Variants in ADK observed in about 807,000 individuals in gnomAD.
The protein encoded by ADK is N6,N6-dimethyladenosine kinase.
ADK carries 24 observed loss-of-function variants against 44.7 expected under a neutral mutation model. The observed-to-expected ratio is 0.54, with a 90% CI of 0.39 to 0.76. The LOEUF (loss-of-function observed/expected upper bound fraction) is 0.76. Ranked by LOEUF, ADK falls within the 30% of genes least tolerant of loss-of-function variation. The probability of loss-of-function intolerance (pLI) is 0.00; values close to 1 mark genes in which losing one functional copy is unlikely to be tolerated. For missense variants in ADK, 321 were observed against 425.1 expected (o/e 0.76, Z 2.15); for synonymous variants, 128 against 142.6 (o/e 0.90, Z 0.73).
intron 1 of ADK, among the ~76,000 whole-genome samples, chr10:74,165,053 G>A (rs941955090): frequency 1.3e-5 from 2 of 152,104 alleles, no homozygotes; most frequent in South Asian, 2.1e-4. Context: ...TAGGAGCAGC[G>A]GAGGGAGGAG....
At position 74,260,050 on chromosome 10, in the gene ADK, C is replaced by T. The variant is rs530191175; in HGVS notation, c.194+35459C>T. 3.3e-5 allele frequency among the ~76,000 whole-genome samples: 5 copies of T among 150,990 alleles called. No individual in the cohort carries two copies. The South Asian group carries it at 1.0e-3, about 31-fold the overall frequency. ...GACTCTGACCCATTATAGCTTTGGC[C>T]ATTTAAAAAAAAAAACCTTCAAAGG... On this transcript the variant is annotated intron_variant, in intron 3 of 10. Transcript: ENST00000539909.
At chr10:74,542,021 G>A (rs1054301707) in intron 7 of ADK, among the ~76,000 whole-genome samples, 3 of 151,122 alleles carry the variant, frequency 2.0e-5, no homozygotes, top group Non-Finnish European at 3.0e-5. Flanking sequence ...AGGACAGATC[G>A]CTTGGGCTTA....
intron 6 of ADK, among the ~76,000 whole-genome samples, chr10:74,465,388 CTT>C (rs1846315541): frequency 6.6e-6 from 1 of 152,110 alleles, no homozygotes; most frequent in African/African-American, 2.4e-5. Context: ...TTAAATAAGA[CTT>C]TATAGGTCAT....
chr10:74,499,035 C>G (rs1292743855), intron 6 of ADK, among the ~76,000 whole-genome samples: 1 of 151,966 alleles, frequency 6.6e-6, no homozygotes, highest in Admixed American at 6.6e-5. Context: ...AACTCTTTAC[C>G]CTGACATGTA....
chr10:74,319,537 C>G (rs1451664078), intron 4 of ADK, among the ~76,000 whole-genome samples: 1 of 152,174 alleles, frequency 6.6e-6, no homozygotes, highest in Admixed American at 6.5e-5. Context: ...GTTAAAGACC[C>G]TATCTTCAAA....
intron 1 of ADK, among the ~76,000 whole-genome samples, chr10:74,159,917 A>G (rs1034701462): frequency 2.2e-4 from 34 of 152,238 alleles, no homozygotes; most frequent in Middle Eastern, 3.4e-3. Context: ...ATATGACTCA[A>G]TCTAGGAGTT....
chr10:74,345,756 T>G (rs1841743901), intron 4 of ADK, among the ~76,000 whole-genome samples: 2 of 152,362 alleles, frequency 1.3e-5, no homozygotes, highest in Admixed American at 1.3e-4. Flanking sequence ...CATTATCTTA[T>G]TTGAGTGGAA....
chr10:74,299,499 CA>C (rs57161550), intron 3 of ADK, among the ~76,000 whole-genome samples: 11 of 124,150 alleles, frequency 8.9e-5, no homozygotes, highest in East Asian at 2.4e-4. Context: ...GACTCTGTCT[CA>C]AAAAAAAAAA....
intron 7 of ADK, among the ~76,000 whole-genome samples, chr10:74,573,012 C>A (rs1434926443): frequency 3.3e-5 from 5 of 152,386 alleles, no homozygotes; most frequent in Admixed American, 3.3e-4. Flanking sequence ...TCGTCAAAGT[C>A]ATTCTCCATC....
Position 74,406,861 on chromosome 10 carries a change from A to C in ADK, c.555+8282A>C, listed in dbSNP as rs574983660. On this transcript the variant is annotated intron_variant, in intron 6 of 10. Transcript: ENST00000539909. ...ACACCCGGCTAATTTTTGTATTTTT[A>C]GTAGAGGTGGGTTTTCACCATATTG... 3.1e-4 allele frequency among the ~76,000 whole-genome samples: 47 copies of C among 151,696 alleles called. No homozygotes were observed. The South Asian group carries it at 4.2e-3, about 13-fold the overall frequency.
chr10:74,622,459 A>G (rs756464863), intron 9 of ADK, among the ~76,000 whole-genome samples: 1 of 151,892 alleles, frequency 6.6e-6, no homozygotes, highest in Non-Finnish European at 1.5e-5. Context: ...CTGCCTTTTT[A>G]TGGTCTGGGA....
At chr10:74,650,967 T>C (rs1162058211) in intron 9 of ADK, among the ~76,000 whole-genome samples, 2 of 152,208 alleles carry the variant, frequency 1.3e-5, no homozygotes, top group African/African-American at 2.4e-5. Flanking sequence ...GGAAAACTAT[T>C]AGTTGTTCAA....
chr10:74,161,815 C>T (rs1841906741), intron 1 of ADK, among the ~76,000 whole-genome samples: 2 of 151,948 alleles, frequency 1.3e-5, no homozygotes, highest in Admixed American at 6.6e-5. Flanking sequence ...AAGCGATCCT[C>T]CTATCTCAGC....
At chr10:74,346,184 G>A (rs949892292) in intron 4 of ADK, among the ~76,000 whole-genome samples, 6 of 152,056 alleles carry the variant, frequency 3.9e-5, no homozygotes, top group Admixed American at 6.6e-5. Flanking sequence ...GAGCCACTGC[G>A]CCTGGCCAAA....
intron 6 of ADK, among the ~76,000 whole-genome samples, chr10:74,466,610 A>C (rs1308483988): frequency 6.6e-6 from 1 of 152,170 alleles, no homozygotes; most frequent in African/African-American, 2.4e-5. Flanking sequence ...ATAAATACCT[A>C]ATGGAAAAAC....
chr10:74,403,925 G>A (rs1157911540), intron 6 of ADK, among the ~76,000 whole-genome samples: 3 of 152,150 alleles, frequency 2.0e-5, no homozygotes, highest in Admixed American at 1.3e-4. Flanking sequence ...AGGCTGGAGT[G>A]CAGTGGCACA....
At chr10:74,250,390 T>G (rs1223711296) in intron 3 of ADK, among the ~76,000 whole-genome samples, 1 of 152,194 alleles carries the variant, frequency 6.6e-6, no homozygotes, top group Non-Finnish European at 1.5e-5. Flanking sequence ...AGGCAAGGTC[T>G]GTTTGGAGAA....
chr10:74,280,415 A>AAC (rs71021599), intron 3 of ADK, among the ~76,000 whole-genome samples: 8,341 of 144,356 alleles, frequency 0.058, 465 homozygotes, highest in African/African-American at 0.14. Context: ...AACAAGTTTA[A>AAC]ACACACACAC....
At chr10:74,269,000 G>A (rs180747341) in intron 3 of ADK, among the ~76,000 whole-genome samples, 46 of 152,288 alleles carry the variant, frequency 3.0e-4, no homozygotes, top group Admixed American at 1.4e-3. Flanking sequence ...GGAGAAAGAT[G>A]AATGATTAAG....
Sources: allele counts gnomAD v4.1 joint callset (sites outside exome capture counted in the v4.1 genomes callset), GRCh38; gene constraint gnomAD v4.1.1; transcripts MANE v1.5; gene names NCBI Gene and HGNC (gene_info 2026-07-23, HGNC 2026-07-21).